Variants in RYR3 observed in about 807,000 individuals in gnomAD.
RYR3 encodes brain ryanodine receptor-calcium release channel.
In RYR3, 207 loss-of-function variants were observed where a neutral mutation model predicts 584.3. That is an observed-to-expected ratio of 0.35 (90% CI 0.32 to 0.40). The LOEUF is 0.40. RYR3 is among the 10% of genes least tolerant of loss of function. RYR3 has a pLI of 1.00. For missense variants in RYR3, 5,616 were observed against 6,089.2 expected (o/e 0.92, Z 2.59); for synonymous variants, 2,416 against 2,248.5 (o/e 1.07, Z -2.11).
intron 1 of RYR3, among the ~76,000 whole-genome samples, chr15:33,441,222 C>T (rs1418080265): frequency 6.6e-6 from 1 of 152,122 alleles, no homozygotes; most frequent in East Asian, 1.9e-4. Context: ...GAGGAAATTG[C>T]ACATCAAGCC....
At chr15:33,363,067 A>T (rs930390527) in intron 1 of RYR3, among the ~76,000 whole-genome samples, 7 of 152,206 alleles carry the variant, frequency 4.6e-5, no homozygotes, top group African/African-American at 1.7e-4. Context: ...CAACACAGCA[A>T]CCTTCATCTG....
At chr15:33,409,112 G>A (rs922965386) in intron 1 of RYR3, among the ~76,000 whole-genome samples, 1 of 152,170 alleles carries the variant, frequency 6.6e-6, no homozygotes, top group Non-Finnish European at 1.5e-5. Context: ...CTGACAGGCA[G>A]AGGATTTCTA....
intron 38 of RYR3, among the ~76,000 whole-genome samples, chr15:33,682,830 G>A (rs1456062903): frequency 3.3e-5 from 5 of 152,118 alleles, no homozygotes; most frequent in South Asian, 2.1e-4. Flanking sequence ...CTGCTGAGGC[G>A]TCCTTACTAT....
chr15:33,671,418 A>C (rs1295983305), intron 38 of RYR3, among the ~76,000 whole-genome samples: 1 of 152,242 alleles, frequency 6.6e-6, no homozygotes, highest in Non-Finnish European at 1.5e-5. Context: ...AGATAGGATC[A>C]GTTTGTCTGA....
At chr15:33,606,561 T>C (rs1437701146) in intron 18 of RYR3, among the ~76,000 whole-genome samples, 1 of 152,156 alleles carries the variant, frequency 6.6e-6, no homozygotes, top group African/African-American at 2.4e-5. Context: ...GGGAAGTCAT[T>C]TTCAGGCATC....
At chr15:33,535,316 TGA>T (rs2141096878) in intron 5 of RYR3, among the ~76,000 whole-genome samples, 1 of 152,382 alleles carries the variant, frequency 6.6e-6, no homozygotes, top group African/African-American at 2.4e-5. Flanking sequence ...AATGGTGTCC[TGA>T]GAGTGCCTGA....
At chr15:33,850,491 G>C (rs2152994359) in intron 94 of RYR3, 1 of 152,086 alleles carries the variant, frequency 6.6e-6, no homozygotes, top group East Asian at 1.9e-4. Context: ...TTTTTACTTA[G>C]AGTGGCTTAA....
chr15:33,860,543 CTACCCCTGAACCACTACACAGATTGCT>C (rs1887805222), intron 100 of RYR3, 25 bp from the exon 101 acceptor site: 8 of 1,080,578 alleles, frequency 7.4e-6, no homozygotes, highest in Non-Finnish European at 1.0e-5. Flanking sequence ...TATCATTCCT[CTACCCCTGAACCACTACACAGATTGCT>C]TTGTCTTTGT....
At chr15:33,695,893 C>T (rs2065817153) in intron 38 of RYR3, among the ~76,000 whole-genome samples, 1 of 151,106 alleles carries the variant, frequency 6.6e-6, no homozygotes, top group Non-Finnish European at 1.5e-5. Flanking sequence ...TCAAGCAGTC[C>T]TCCCACCTCA....
intron 96 of RYR3, 21 bp downstream of exon 96, chr15:33,853,703 C>A (rs768167566): frequency 6.2e-7 from 1 of 1,607,814 alleles, no homozygotes; most frequent in South Asian, 1.1e-5. Flanking sequence ...CTTAGGAGTT[C>A]AAATCCAAAG....
intron 1 of RYR3, among the ~76,000 whole-genome samples, chr15:33,463,047 G>T (rs2048174294): frequency 6.6e-6 from 1 of 151,886 alleles, no homozygotes; most frequent in Admixed American, 6.6e-5. Flanking sequence ...CTTGCCTGTA[G>T]TCCCAGCTAC....
At chr15:33,647,101 A>C (rs905688226) in intron 29 of RYR3, among the ~76,000 whole-genome samples, 1 of 152,154 alleles carries the variant, frequency 6.6e-6, no homozygotes, top group Admixed American at 6.5e-5. Context: ...CAAGCTTTTA[A>C]ACAAGCACAG....
At chr15:33,763,171 G>T (rs1393252020) in intron 60 of RYR3, among the ~76,000 whole-genome samples, 1 of 152,128 alleles carries the variant, frequency 6.6e-6, no homozygotes, top group African/African-American at 2.4e-5. Flanking sequence ...AAGCCTAGAA[G>T]AAAACCTAGG....
chr15:33,462,900 C>G (rs1244139687), intron 1 of RYR3, among the ~76,000 whole-genome samples: 1 of 152,178 alleles, frequency 6.6e-6, no homozygotes, highest in African/African-American at 2.4e-5. Flanking sequence ...AGGTTCAGGT[C>G]AGGTGTGGTG....
chr15:33,837,540 C>T, intron 88 of RYR3, 91 bp from the exon 89 acceptor site: 1 of 1,411,070 alleles, frequency 7.1e-7, no homozygotes, highest in Admixed American at 2.8e-5. Context: ...TAATTTGGCA[C>T]AAAAGTCTTC....
At chr15:33,553,270 G>A (rs1193964880) in intron 10 of RYR3, among the ~76,000 whole-genome samples, 1 of 152,200 alleles carries the variant, frequency 6.6e-6, no homozygotes, top group Non-Finnish European at 1.5e-5. Context: ...GACACTGGGT[G>A]TGCTGGGCCG....
intron 3 of RYR3, among the ~76,000 whole-genome samples, chr15:33,514,428 C>T (rs931830141): frequency 1.5e-4 from 23 of 152,150 alleles, no homozygotes; most frequent in Admixed American, 1.2e-3. Flanking sequence ...GCCCGCACCA[C>T]GGAGGTTTCT....
At chr15:33,842,096 G>C in intron 91 of RYR3, 61 bp downstream of exon 91, 1 of 1,521,052 alleles carries the variant, frequency 6.6e-7, no homozygotes, top group Non-Finnish European at 8.9e-7. Context: ...AGATGGCAGA[G>C]AGGTGCCGCT....
At chr15:33,813,852 C>G (rs2076670352) in intron 74 of RYR3, 1 of 275,966 alleles carries the variant, frequency 3.6e-6, no homozygotes, top group Non-Finnish European at 6.8e-6. Flanking sequence ...AAGTACACTA[C>G]TTTTGCTGAG....
Sources: allele counts gnomAD v4.1 joint callset (sites outside exome capture counted in the v4.1 genomes callset), GRCh38; gene constraint gnomAD v4.1.1; transcripts MANE v1.5; gene names NCBI Gene and HGNC (gene_info 2026-07-23, HGNC 2026-07-21).